The following MACROD2 variants were observed in gnomAD, a reference collection of about 807,000 sequenced individuals.
MACROD2 encodes ADP-ribose glycohydrolase MACROD2.
MACROD2 carries 36 observed loss-of-function variants against 70.4 expected under a neutral mutation model. That is an observed-to-expected ratio of 0.51 (90% CI 0.39 to 0.68). The LOEUF (loss-of-function observed/expected upper bound fraction) is 0.68. Among genes scored for constraint, MACROD2 ranks in the 30% least tolerant of loss-of-function variants. The pLI is 0.00. For synonymous variants in MACROD2, 172 were observed against 178.8 expected, an observed-to-expected ratio of 0.96 and a Z score of 0.30; for missense variants, 496 against 538.4, an observed-to-expected ratio of 0.92 and a Z score of 0.78.
At chr20:14,060,268 C>T (rs967737260) in intron 2 of MACROD2, among the ~76,000 whole-genome samples, 2 of 152,112 alleles carry the variant, frequency 1.3e-5, no homozygotes, top group Non-Finnish European at 2.9e-5. Context: ...TTACCTGTGT[C>T]TATGTGGTCC....
At chr20:15,965,288 T>G (rs896644306) in intron 12 of MACROD2, among the ~76,000 whole-genome samples, 1 of 152,212 alleles carries the variant, frequency 6.6e-6, no homozygotes, top group Non-Finnish European at 1.5e-5. Flanking sequence ...ATAACTTATT[T>G]GCTAAAGACA....
intron 6 of MACROD2, among the ~76,000 whole-genome samples, chr20:15,412,912 TAATAA>T (rs1231386585): frequency 1.3e-5 from 2 of 152,210 alleles, no homozygotes; most frequent in East Asian, 3.8e-4. Context: ...AAAATCTCTC[TAATAA>T]AATGTGCCCA....
At chr20:15,913,919 A>G (rs2147272796) in intron 10 of MACROD2, among the ~76,000 whole-genome samples, 1 of 152,356 alleles carries the variant, frequency 6.6e-6, no homozygotes, top group African/African-American at 2.4e-5. Flanking sequence ...ACGAATAAGC[A>G]AATGAACGAT....
chr20:14,470,215 G>A (rs1430751439), intron 3 of MACROD2, among the ~76,000 whole-genome samples: 1 of 152,124 alleles, frequency 6.6e-6, no homozygotes, highest in Non-Finnish European at 1.5e-5. Flanking sequence ...GTTTGCTGGA[G>A]GTCCACTGCA....
intron 5 of MACROD2, among the ~76,000 whole-genome samples, chr20:15,001,298 C>T (rs2074993344): frequency 6.6e-6 from 1 of 152,122 alleles, no homozygotes; most frequent in Non-Finnish European, 1.5e-5. Context: ...CACTCAATTA[C>T]GCAGGGACTG....
chr20:14,396,687 A>G (rs1236211282), intron 3 of MACROD2, among the ~76,000 whole-genome samples: 3 of 152,066 alleles, frequency 2.0e-5, no homozygotes, highest in Admixed American at 2.0e-4. Flanking sequence ...GCACTTTGGG[A>G]GGCTGAGGAG....
chr20:15,287,358 T>C (rs1361466392), intron 6 of MACROD2, among the ~76,000 whole-genome samples: 1 of 152,228 alleles, frequency 6.6e-6, no homozygotes, highest in Non-Finnish European at 1.5e-5. Flanking sequence ...AGCGTTGTAC[T>C]GCCTGTTACC....
At chr20:15,546,944 C>T (rs1158013417) in intron 8 of MACROD2, among the ~76,000 whole-genome samples, 2 of 152,264 alleles carry the variant, frequency 1.3e-5, no homozygotes, top group African/African-American at 2.4e-5. Flanking sequence ...GGTGAGTGAA[C>T]AAAATGAATG....
At position 16,049,948 on chromosome 20, in the gene MACROD2, G is replaced by C; in HGVS notation, c.*72G>C. ...GAAGATAGCAGCACACGCTGTGGAG[G>C]AGGGTGGGGGTGGGGGGAAGGCAAG... On this transcript the variant is annotated 3_prime_UTR_variant, in exon 18 of 18. Coordinates refer to ENST00000684519, the MANE Select transcript of MACROD2 (RefSeq NM_001351661.2). 1 of 864,980 alleles carries C rather than the reference G, an allele frequency of 1.2e-6. No individual in the cohort carries two copies. Among genetic ancestry groups the C allele is most frequent in the Non-Finnish European group, 1.8e-6 (1 of 552,450 alleles). 53.6% of individuals were successfully genotyped at this position (864,980 alleles called of 1,614,324 possible).
At chr20:15,147,814 G>C (rs1388206808) in intron 5 of MACROD2, among the ~76,000 whole-genome samples, 1 of 152,086 alleles carries the variant, frequency 6.6e-6, no homozygotes, top group African/African-American at 2.4e-5. Context: ...GGAGCTAGGG[G>C]TGGGGCCATT....
intron 3 of MACROD2, among the ~76,000 whole-genome samples, chr20:14,272,729 T>G (rs928157004): frequency 2.6e-5 from 4 of 152,196 alleles, no homozygotes; most frequent in East Asian, 1.9e-4. Context: ...GACCCATCAG[T>G]GTGTTGTATT....
chr20:15,948,382 C>CAAAAAAAAAAAAAAAAAAAA (rs71192307), intron 12 of MACROD2, among the ~76,000 whole-genome samples: 10 of 43,152 alleles, frequency 2.3e-4, no homozygotes, highest in Non-Finnish European at 3.3e-4. Context: ...CTTGCAACTG[C>CAAAAAAAAAAAAAAAAAAAA]AAAAAAAAAA....
At chr20:15,884,622 A>T (rs1163287462) in intron 9 of MACROD2, among the ~76,000 whole-genome samples, 1 of 152,040 alleles carries the variant, frequency 6.6e-6, no homozygotes, top group Non-Finnish European at 1.5e-5. Context: ...GCAGTTAGGA[A>T]ACTGCTAAAA....
chr20:15,199,166 G>C (rs768269138), intron 5 of MACROD2, among the ~76,000 whole-genome samples: 36 of 151,758 alleles, frequency 2.4e-4, no homozygotes, highest in Non-Finnish European at 4.9e-4. Flanking sequence ...AGTCCAACCC[G>C]GCCAATATAG....
chr20:15,395,336 G>A (rs373833637), intron 6 of MACROD2, among the ~76,000 whole-genome samples: 3 of 152,132 alleles, frequency 2.0e-5, no homozygotes, highest in East Asian at 1.9e-4. Flanking sequence ...TCTTTCTGTT[G>A]TCTATTTTTG....
intron 5 of MACROD2, among the ~76,000 whole-genome samples, chr20:15,208,706 C>T (rs1410341439): frequency 1.3e-5 from 2 of 152,118 alleles, no homozygotes; most frequent in Admixed American, 6.5e-5. Context: ...TCAGACCCTG[C>T]TGGGCTTCAG....
intron 3 of MACROD2, among the ~76,000 whole-genome samples, chr20:14,321,706 T>A (rs901077895): frequency 3.9e-5 from 6 of 152,194 alleles, no homozygotes; most frequent in Admixed American, 2.6e-4. Context: ...GAAATTGTCA[T>A]GTTGGCATGT....
At chr20:15,073,693 A>G (rs1280972609) in intron 5 of MACROD2, among the ~76,000 whole-genome samples, 1 of 152,192 alleles carries the variant, frequency 6.6e-6, no homozygotes, top group African/African-American at 2.4e-5. Context: ...TGTTCATTTC[A>G]TTCAACAGGA....
At chr20:15,968,003 A>G (rs1376744179) in intron 13 of MACROD2, among the ~76,000 whole-genome samples, 3 of 152,248 alleles carry the variant, frequency 2.0e-5, no homozygotes, top group South Asian at 2.1e-4. Context: ...GTCTTGGGAT[A>G]TCAAGAAGGG....
Sources: gnomAD v4.1 joint callset for allele counts (sites outside exome capture counted in the v4.1 genomes callset) on GRCh38, gnomAD v4.1.1 for gene constraint, MANE v1.5 for transcripts, NCBI Gene and HGNC (gene_info 2026-07-23, HGNC 2026-07-21) for gene names.